Variants in HAPLN1 observed in about 807,000 individuals in gnomAD.
HAPLN1 encodes the protein hyaluronan and proteoglycan link protein 1, also known as Cartilage link protein.
Under a neutral mutation model 36.5 loss-of-function variants are expected in HAPLN1, and 13 were observed. The observed-to-expected ratio is 0.36, with a 90% CI of 0.23 to 0.57. HAPLN1 has a LOEUF of 0.57. HAPLN1 is among the 20% of genes least tolerant of loss of function. The probability of loss-of-function intolerance (pLI) is 0.83; values close to 1 mark genes in which losing one functional copy is unlikely to be tolerated. For missense variants in HAPLN1, 407 were observed against 439.7 expected (o/e 0.93, Z 0.66); for synonymous variants, 202 against 169.8 (o/e 1.19, Z -1.48).
intron 1 of HAPLN1, among the ~76,000 whole-genome samples, chr5:83,716,306 A>T (rs2112643172): frequency 6.6e-6 from 1 of 152,332 alleles, no homozygotes; most frequent in South Asian, 2.1e-4. Context: ...GATTGGGCAG[A>T]AGGGAAAATT....
chr5:83,701,154 A>C (rs1216292508), intron 1 of HAPLN1, among the ~76,000 whole-genome samples: 1 of 152,260 alleles, frequency 6.6e-6, no homozygotes, highest in African/African-American at 2.4e-5. Context: ...GAGAGCTAGA[A>C]TAGAACCATC....
intron 2 of HAPLN1, among the ~76,000 whole-genome samples, chr5:83,658,835 C>T (rs1750297602): frequency 6.6e-6 from 1 of 152,164 alleles, no homozygotes; most frequent in South Asian, 2.1e-4. Context: ...GAGTTCATTA[C>T]TTTTATCAGA....
intron 2 of HAPLN1, among the ~76,000 whole-genome samples, chr5:83,668,969 T>C (rs1168088334): frequency 6.6e-6 from 1 of 152,220 alleles, no homozygotes; most frequent in Non-Finnish European, 1.5e-5. Flanking sequence ...CATAAACTTC[T>C]GGCAATTCCT....
intron 1 of HAPLN1, chr5:83,675,405 G>C (rs910067316): frequency 6.6e-6 from 1 of 152,094 alleles, no homozygotes; most frequent in Non-Finnish European, 1.5e-5. Context: ...TTCTAGATGA[G>C]GAGTCAAGAT....
At position 83,652,843 on chromosome 5, in the gene HAPLN1, A is replaced by T; in HGVS notation, c.101-19T>A. The T allele has an allele frequency of 6.5e-7, 1 of 1,542,028 alleles. No homozygotes were observed. Among genetic ancestry groups the T allele is most frequent in the Non-Finnish European group, 8.7e-7 (1 of 1,147,014 alleles). On this transcript the variant is annotated intron_variant, in intron 2 of 4. Transcript: ENST00000274341. The stretch of plus-strand genomic sequence containing the variant: ...TTTTCTGCTATAATTAAAAAGGAAA[A>T]AAAAAAGAAAATAACTATTAATATA...
intron 3 of HAPLN1, among the ~76,000 whole-genome samples, chr5:83,646,600 A>T (rs1749884753): frequency 2.0e-5 from 3 of 152,182 alleles, no homozygotes; most frequent in African/African-American, 4.8e-5. Context: ...TCCTGATCTC[A>T]TTCTGCCTTC....
chr5:83,649,349 C>T (rs775527625), intron 3 of HAPLN1, among the ~76,000 whole-genome samples: 1 of 152,102 alleles, frequency 6.6e-6, no homozygotes, highest in Non-Finnish European at 1.5e-5. Flanking sequence ...AGTAATTTCT[C>T]TCTCTTATCT....
rs530904101 is a variant in HAPLN1, at chr5:83,644,559, C to T, written c.579G>A (p.Gln193=). The T allele has an allele frequency of 1.2e-6, 2 of 1,601,522 alleles. No individual in the cohort carries two copies. The highest frequency in any genetic ancestry group is 2.2e-5 in the South Asian group (2 of 89,080). The change falls in exon 4 of 5, where the codon CAG becomes CAA. Residue 193 remains glutamine (Q), a synonymous_variant. Coordinates refer to ENST00000274341, the MANE Select transcript of HAPLN1 (RefSeq NM_001884.4). ...DQDAVIASFD[Q]LYDAWRGGLD... Reference sequence around the variant, plus strand: ...GCCCGCCCCGCCAGGCGTCGTACAGCTGGTCGAAGGAGGCGATCACAGCAT... The same window carrying T: ...GCCCGCCCCGCCAGGCGTCGTACAGTTGGTCGAAGGAGGCGATCACAGCAT...
At chr5:83,696,204 A>C (rs1341671572) in intron 1 of HAPLN1, among the ~76,000 whole-genome samples, 1 of 152,178 alleles carries the variant, frequency 6.6e-6, no homozygotes, top group Non-Finnish European at 1.5e-5. Flanking sequence ...ATAGCCAACA[A>C]ATATGCAAAT....
In HAPLN1 at chr5:83,679,447, A is replaced by T. The variant is rs536378588; in HGVS notation, c.-26-5898T>A. On this transcript the variant is annotated intron_variant, in intron 1 of 4. Transcript: ENST00000274341. ...CTATTTCTATCCTGTTTTTCCCCTAACTTTTCTATTCTCTTTCTAACCTTT... is the reference window on the plus strand; with the variant it reads ...CTATTTCTATCCTGTTTTTCCCCTATCTTTTCTATTCTCTTTCTAACCTTT... Among the ~76,000 whole-genome samples, 5 of 151,644 alleles carry T rather than the reference A, an allele frequency of 3.3e-5. No individual in the cohort carries two copies. The East Asian group carries it at 7.8e-4, about 24-fold the overall frequency.
rs1749838478 is a variant in HAPLN1, at chr5:83,645,475, C to CTTTTTTTTTTTTTCT, written c.473-811_473-810insAGAAAAAAAAAAAAA. On this transcript the variant is annotated intron_variant, in intron 3 of 4. Transcript: ENST00000274341. The stretch of plus-strand genomic sequence containing the variant: ...GTGATTTTCTTTTTTCTTTTTCTTT[C>CTTTTTTTTTTTTTCT]TTTTTTTTTTTTTTTTAGCTCATCA... Among the ~76,000 whole-genome samples, 2 of 74,370 alleles carry CTTTTTTTTTTTTTCT rather than the reference C, an allele frequency of 2.7e-5. 1 individual carries two copies. Among genetic ancestry groups the CTTTTTTTTTTTTTCT allele is most frequent in the African/African-American group, 1.2e-4 (2 of 16,080 alleles). The allele number at this position is 74,370 out of a possible 152,430, so 48.8% of individuals were successfully genotyped here.
At chr5:83,653,598 C>G (rs1253423661) in intron 2 of HAPLN1, among the ~76,000 whole-genome samples, 2 of 152,072 alleles carry the variant, frequency 1.3e-5, no homozygotes, top group African/African-American at 4.8e-5. Context: ...CCTTAAATAT[C>G]CTTCTATTCT....
At chr5:83,667,843 A>G (rs984344224) in intron 2 of HAPLN1, among the ~76,000 whole-genome samples, 2 of 152,224 alleles carry the variant, frequency 1.3e-5, no homozygotes, top group Non-Finnish European at 2.9e-5. Context: ...CTCTTCAAAG[A>G]TGCATACATG....
chr5:83,689,981 G>A (rs1163811656), intron 1 of HAPLN1, among the ~76,000 whole-genome samples: 2 of 151,980 alleles, frequency 1.3e-5, no homozygotes, highest in African/African-American at 4.8e-5. Flanking sequence ...AAGCTAAAGA[G>A]CTAATGTTAT....
intron 2 of HAPLN1, among the ~76,000 whole-genome samples, chr5:83,664,476 G>A (rs187099041): frequency 1.3e-4 from 19 of 151,942 alleles, no homozygotes; most frequent in African/African-American, 1.4e-4. Flanking sequence ...TCCTCCTCCC[G>A]GGTTCAAGCG....
intron 1 of HAPLN1, among the ~76,000 whole-genome samples, chr5:83,675,643 C>T (rs983788560): frequency 3.9e-5 from 6 of 152,112 alleles, no homozygotes; most frequent in African/African-American, 1.4e-4. Flanking sequence ...GGGTTCATTC[C>T]AATGTGTTAA....
Position 83,654,965 on chromosome 5 carries a change from C to T in HAPLN1, c.101-2141G>A, listed in dbSNP as rs1184539517. Among the ~76,000 whole-genome samples, 12 of 152,194 alleles carry T rather than the reference C, an allele frequency of 7.9e-5. 1 individual carries two copies. The highest frequency in any genetic ancestry group is 2.6e-4 in the Admixed American group (4 of 15,284). On this transcript the variant is annotated intron_variant, in intron 2 of 4. Coordinates refer to ENST00000274341, the MANE Select transcript of HAPLN1 (RefSeq NM_001884.4). ...CACTTAGGACAATGGCTGACCAATA[C>T]GAGGTGTACACTAACTACTAAACTG...
chr5:83,668,615 C>T (rs546070299), intron 2 of HAPLN1, among the ~76,000 whole-genome samples: 3 of 152,328 alleles, frequency 2.0e-5, no homozygotes, highest in African/African-American at 4.8e-5. Flanking sequence ...TAAATGCCAG[C>T]GATGTCACAG....
At chr5:83,660,222 T>C (rs1750346598) in intron 2 of HAPLN1, among the ~76,000 whole-genome samples, 1 of 152,186 alleles carries the variant, frequency 6.6e-6, no homozygotes, top group Non-Finnish European at 1.5e-5. Context: ...AAATGGATTA[T>C]GTGATGGGAA....
Sources: allele counts gnomAD v4.1 joint callset (sites outside exome capture counted in the v4.1 genomes callset), GRCh38; gene constraint gnomAD v4.1.1; transcripts MANE v1.5; gene names NCBI Gene and HGNC (gene_info 2026-07-23, HGNC 2026-07-21).